TRAPPC8: variants seen among roughly 807,000 people sequenced by gnomAD.
The protein encoded by TRAPPC8 is trafficking protein particle complex subunit 8, also known as general sporulation gene 1 homolog.
A neutral mutation model predicts 174.3 loss-of-function variants in TRAPPC8; 54 were observed. The observed-to-expected ratio is 0.31, with a 90% CI of 0.25 to 0.39. The LOEUF is 0.39. Among genes scored for constraint, TRAPPC8 ranks in the 10% least tolerant of loss-of-function variants. The pLI, the probability that TRAPPC8 is intolerant of heterozygous loss-of-function variation, is 1.00. For missense variants in TRAPPC8, 1,531 were observed against 1,699.1 expected (o/e 0.90, Z 1.74); for synonymous variants, 630 against 579.9 (o/e 1.09, Z -1.24).
chr18:31,866,955 G>A lies in TRAPPC8; in HGVS notation c.2484C>T (p.Pro828=). ...ESKVARLKLF[P]HHIGELHILG... ...GAATATGCAGCTCCCCTATGTGATG[G>A]GGAAAGAGCTTTAGTCTTGCCTGTG... is the stretch of plus-strand genomic sequence containing the variant. Residue 828 remains proline (P), a synonymous_variant, in exon 18 of 29, where the codon CCC becomes CCT. Coordinates refer to ENST00000283351, the MANE Select transcript of TRAPPC8 (RefSeq NM_014939.5). 1 of 1,613,512 alleles carries A rather than the reference G, an allele frequency of 6.2e-7. No individual in the cohort carries two copies. The highest frequency in any genetic ancestry group is 8.5e-7 in the Non-Finnish European group (1 of 1,179,666).
At chr18:31,910,975 C>A (rs1016825342) in intron 5 of TRAPPC8, among the ~76,000 whole-genome samples, 3 of 152,106 alleles carry the variant, frequency 2.0e-5, no homozygotes, top group South Asian at 2.1e-4. Context: ...TTGCTTTTCC[C>A]CAGCATTATC....
intron 12 of TRAPPC8, among the ~76,000 whole-genome samples, chr18:31,877,964 T>C (rs1215369484): frequency 6.6e-6 from 1 of 150,470 alleles, no homozygotes; most frequent in Non-Finnish European, 1.5e-5. Flanking sequence ...CCAACTGGGC[T>C]TGCAGGAAGG....
At position 31,849,528 on chromosome 18, in the gene TRAPPC8, A is replaced by G. The variant is rs183873974; in HGVS notation, c.3735+38T>C. 1,086 of 1,533,978 alleles carry G rather than the reference A, an allele frequency of 7.1e-4. 2 individuals are homozygous for G. The highest frequency in any genetic ancestry group is 6.4e-4 in the Non-Finnish European group (725 of 1,138,136). On this transcript the variant is annotated intron_variant, in intron 25 of 28. Transcript: ENST00000283351. ...TGCTTAGCTTAAGACTCGAGTATCT[A>G]TAAGTGAGGCTTGCTGAAATAATTT...
rs145607217 is a variant in TRAPPC8, at chr18:31,930,362, C to T, written c.352+967G>A. Among the ~76,000 whole-genome samples, 399 of 152,040 alleles carry T rather than the reference C, an allele frequency of 2.6e-3. 2 individuals carry two copies. The highest frequency in any genetic ancestry group is 8.8e-3 in the African/African-American group (363 of 41,464). ...CTTGAACTCCTGACCTCAAGTGATC[C>T]GCCTGCCTCGGCCTCCCAAAGTGCT... On this transcript the variant is annotated intron_variant, in intron 2 of 28. Coordinates refer to ENST00000283351, the MANE Select transcript of TRAPPC8 (RefSeq NM_014939.5).
intron 20 of TRAPPC8, among the ~76,000 whole-genome samples, chr18:31,856,112 C>CTT (rs138809726): frequency 4.0e-5 from 6 of 148,716 alleles, no homozygotes; most frequent in African/African-American, 1.2e-4. Context: ...CTTTCTCTCT[C>CTT]TTTTTTTTTT....
intron 14 of TRAPPC8, among the ~76,000 whole-genome samples, chr18:31,872,522 C>T (rs1353800527): frequency 2.0e-5 from 3 of 152,050 alleles, no homozygotes; most frequent in African/African-American, 7.2e-5. Context: ...TGGGTTCAAG[C>T]GATTCTCCTG....
intron 12 of TRAPPC8, among the ~76,000 whole-genome samples, chr18:31,882,315 G>C (rs2145288734): frequency 6.6e-6 from 1 of 152,258 alleles, no homozygotes; most frequent in South Asian, 2.1e-4. Flanking sequence ...AACATGGATG[G>C]AGGTAGAGGC....
At chr18:31,849,156 T>A (rs1471805277) in intron 25 of TRAPPC8, among the ~76,000 whole-genome samples, 8 of 152,018 alleles carry the variant, frequency 5.3e-5, no homozygotes, top group Non-Finnish European at 1.0e-4. Context: ...AGCAAAAAAA[T>A]TAACAATAAA....
chr18:31,854,696 C>T (rs912559953), intron 21 of TRAPPC8, among the ~76,000 whole-genome samples: 7 of 151,908 alleles, frequency 4.6e-5, no homozygotes, highest in Non-Finnish European at 5.9e-5. Flanking sequence ...TGGCCGAGCA[C>T]GGTGGCTCAC....
At chr18:31,891,881 C>T (rs2035967495) in intron 11 of TRAPPC8, among the ~76,000 whole-genome samples, 1 of 152,244 alleles carries the variant, frequency 6.6e-6, no homozygotes, top group Admixed American at 6.5e-5. Flanking sequence ...GAAACAGACT[C>T]GAGGAAATCA....
intron 2 of TRAPPC8, among the ~76,000 whole-genome samples, chr18:31,923,568 A>G (rs1344012431): frequency 6.6e-6 from 1 of 152,162 alleles, no homozygotes; most frequent in East Asian, 1.9e-4. Flanking sequence ...AATATATAAG[A>G]ATTAATACCT....
intron 2 of TRAPPC8, among the ~76,000 whole-genome samples, chr18:31,926,823 A>G (rs1161273638): frequency 1.3e-5 from 2 of 152,256 alleles, no homozygotes; most frequent in Middle Eastern, 3.2e-3. Context: ...ACATTTAGTC[A>G]TATTATAAGC....
At chr18:31,839,268 C>G in intron 27 of TRAPPC8, 44 bp downstream of exon 27, 1 of 1,560,832 alleles carries the variant, frequency 6.4e-7, no homozygotes, top group Non-Finnish European at 8.7e-7. Flanking sequence ...ATACACGTGC[C>G]AGTGTGTTGT....
At chr18:31,883,224 G>GAAAAAAA (rs397858732) in intron 12 of TRAPPC8, 2 of 96,708 alleles carry the variant, frequency 2.1e-5, no homozygotes, top group African/African-American at 8.3e-5. Context: ...CTTCATCTCA[G>GAAAAAAA]AAAAAAAAAA....
intron 1 of TRAPPC8, among the ~76,000 whole-genome samples, chr18:31,939,062 GAC>G (rs1198926986): frequency 8.5e-6 from 1 of 118,174 alleles, no homozygotes; most frequent in Non-Finnish European, 1.6e-5. Context: ...CCAGCCTGGT[GAC>G]AGAGCGAGAC....
At chr18:31,873,570 T>C (rs1242051271) in intron 13 of TRAPPC8, 32 bp from the exon 14 acceptor site, 7 of 1,511,064 alleles carry the variant, frequency 4.6e-6, no homozygotes, top group Non-Finnish European at 6.3e-6. Context: ...AAAAAAGTAG[T>C]TTTTGTGAAA....
At chr18:31,916,175 T>G in intron 4 of TRAPPC8, 97 bp downstream of exon 4, 1 of 907,376 alleles carries the variant, frequency 1.1e-6, no homozygotes, top group Non-Finnish European at 1.5e-6. Context: ...TTTTACATTC[T>G]TGTATCAAAA....
intron 27 of TRAPPC8, chr18:31,833,362 T>C (rs1262216369): frequency 6.6e-6 from 1 of 152,206 alleles, no homozygotes; most frequent in Non-Finnish European, 1.5e-5. Context: ...TTCATTCCAG[T>C]GAAGAGCACC....
At chr18:31,899,584 C>G (rs2036326151) in intron 10 of TRAPPC8, among the ~76,000 whole-genome samples, 1 of 152,142 alleles carries the variant, frequency 6.6e-6, no homozygotes, top group Non-Finnish European at 1.5e-5. Flanking sequence ...TTTATTACGT[C>G]AACTCTCTAC....
Sources: gnomAD v4.1 joint callset for allele counts (sites outside exome capture counted in the v4.1 genomes callset) on GRCh38, gnomAD v4.1.1 for gene constraint, MANE v1.5 for transcripts, NCBI Gene and HGNC (gene_info 2026-07-23, HGNC 2026-07-21) for gene names.